Variants in ECD observed in about 807,000 individuals in gnomAD.
The protein encoded by ECD is protein ecdysoneless homolog.
Under a neutral mutation model 77.2 loss-of-function variants are expected in ECD, and 59 were observed. That is an observed-to-expected ratio of 0.76 (90% CI 0.62 to 0.95). The LOEUF (loss-of-function observed/expected upper bound fraction) is 0.95. ECD is among the 40% of genes least tolerant of loss of function. The pLI is 0.00. For missense variants in ECD, 704 were observed against 763.4 expected, an observed-to-expected ratio of 0.92 and a Z score of 0.92; for synonymous variants, 233 against 267.4, an observed-to-expected ratio of 0.87 and a Z score of 1.26.
rs746436287 is a variant in ECD at position 73,138,055 on chromosome 10, A to C, written c.1437T>G (p.Ala479=). Residue 479 remains alanine (A), a synonymous_variant, in exon 12 of 14, where the codon GCT becomes GCG. Coordinates refer to ENST00000372979, the MANE Select transcript of ECD (RefSeq NM_007265.3). ...GAELPREPSE[A]PITFDADSFL... Reference sequence around the variant, plus strand: ...AAGAATCTGCATCAAAAGTGATTGGAGCCTCAGAAGGTTCTCTGCAATATT... The same window carrying C: ...AAGAATCTGCATCAAAAGTGATTGGCGCCTCAGAAGGTTCTCTGCAATATT... 1 of 1,598,078 alleles carries C rather than the reference A, an allele frequency of 6.3e-7. No individual in the cohort carries two copies. The highest frequency in any genetic ancestry group is 1.7e-5 in the Admixed American group (1 of 57,210).
At chr10:73,155,945 T>C (rs1007232182) in intron 5 of ECD, among the ~76,000 whole-genome samples, 3 of 152,122 alleles carry the variant, frequency 2.0e-5, no homozygotes, top group African/African-American at 7.2e-5. Flanking sequence ...TTTTTACCCA[T>C]GGATATAGCT....
rs1021926026 is a variant in ECD at position 73,133,813 on chromosome 10, TAATTA to T, written c.*765_*769del. 26 of 152,332 alleles carry T rather than the reference TAATTA, an allele frequency of 1.7e-4. No individual in the cohort carries two copies. The highest frequency in any genetic ancestry group is 5.3e-4 in the African/African-American group (22 of 41,582). 9.4% of individuals were successfully genotyped at this position (152,332 alleles called of 1,614,324 possible). On this transcript the variant is annotated 3_prime_UTR_variant, in exon 14 of 14. Transcript: ENST00000372979. Reference sequence around the variant, plus strand: ...TATATTAAATATCAAACCAATTAATTAATTAAAACAATTAAGTACAGTATCAGGTA... The same window carrying T: ...TATATTAAATATCAAACCAATTAATTAAACAATTAAGTACAGTATCAGGTA...
At chr10:73,166,911 C>T (rs1843479564) in intron 1 of ECD, among the ~76,000 whole-genome samples, 4 of 152,088 alleles carry the variant, frequency 2.6e-5, no homozygotes, top group Admixed American at 2.6e-4. Context: ...AGAGAGTTTC[C>T]CCAATATTTC....
rs759124485 is a variant in ECD at position 73,136,952 on chromosome 10, G to A, written c.1490-34C>T. 5.3e-6 allele frequency: 6 copies of A among 1,140,776 alleles called. No individual in the cohort carries two copies. The African/African-American group carries it at 5.3e-5, about 10-fold the overall frequency. The allele number at this position is 1,140,776 out of a possible 1,614,324, so 70.7% of individuals were successfully genotyped here. ...ATCCCAAGAAAGAAAGAGCCACTTA[G>A]TAATTATTATTATTATTATTATTAT... On this transcript the variant is annotated intron_variant, in intron 12 of 13. Transcript: ENST00000372979.
chr10:73,166,374 A>G (rs1248970560), intron 1 of ECD, among the ~76,000 whole-genome samples: 3 of 152,112 alleles, frequency 2.0e-5, no homozygotes, highest in Admixed American at 2.0e-4. Flanking sequence ...TAGTAGCTCT[A>G]TTTTTAGTTT....
At chr10:73,148,183 T>G in intron 8 of ECD, 93 bp downstream of exon 8, 1 of 1,459,130 alleles carries the variant, frequency 6.9e-7, no homozygotes, top group Non-Finnish European at 9.2e-7. Flanking sequence ...CATAATTATG[T>G]CATACATTTA....
chr10:73,148,785 T>G (rs1384787421), intron 7 of ECD, among the ~76,000 whole-genome samples: 3 of 152,110 alleles, frequency 2.0e-5, no homozygotes, highest in Admixed American at 1.3e-4. Context: ...ATCTCAGACA[T>G]AGTAAAGAGA....
chr10:73,167,250 C>T (rs889031880), intron 1 of ECD, among the ~76,000 whole-genome samples: 1 of 152,114 alleles, frequency 6.6e-6, no homozygotes, highest in Non-Finnish European at 1.5e-5. Context: ...CAGTTTTGTT[C>T]TTTTTGCTCA....
chr10:73,141,754 TAATA>T (rs1393880878), intron 9 of ECD, among the ~76,000 whole-genome samples: 1 of 152,228 alleles, frequency 6.6e-6, no homozygotes, highest in Non-Finnish European at 1.5e-5. Flanking sequence ...GTTTACATAT[TAATA>T]ATACAGAGTA....
At chr10:73,154,117 A>G (rs752799408) in intron 6 of ECD, 139 bp downstream of exon 6, 23 of 881,236 alleles carry the variant, frequency 2.6e-5, no homozygotes, top group Non-Finnish European at 3.5e-5. Flanking sequence ...AAGAAACAGA[A>G]TATTTCCTTT....
intron 3 of ECD, among the ~76,000 whole-genome samples, chr10:73,158,915 A>T (rs1214324180): frequency 6.6e-6 from 1 of 151,948 alleles, no homozygotes; most frequent in Non-Finnish European, 1.5e-5. Flanking sequence ...ACATTTAAAA[A>T]TTTTAAATAA....
chr10:73,164,196 A>G (rs1161377146), intron 1 of ECD, among the ~76,000 whole-genome samples: 1 of 151,522 alleles, frequency 6.6e-6, no homozygotes, highest in Non-Finnish European at 1.5e-5. Flanking sequence ...TACTAAAAAT[A>G]CAAAAATTAG....
chr10:73,140,705 T>C (rs1348113335), intron 9 of ECD, among the ~76,000 whole-genome samples: 1 of 88,096 alleles, frequency 1.1e-5, no homozygotes, highest in Non-Finnish European at 2.4e-5. Flanking sequence ...AATAAATAAA[T>C]TGGAGGATAG....
chr10:73,145,429 G>A (rs1490022829), intron 9 of ECD, among the ~76,000 whole-genome samples: 1 of 152,042 alleles, frequency 6.6e-6, no homozygotes, highest in Non-Finnish European at 1.5e-5. Flanking sequence ...TATTAATTCA[G>A]CTATTTTAAA....
chr10:73,146,296 G>C lies in ECD; in HGVS notation c.1107C>G (p.Leu369=), dbSNP rs772254446. The change falls in exon 9 of 14, where the codon CTC becomes CTG. Residue 369 remains leucine (L), a synonymous_variant. Coordinates refer to ENST00000372979, the MANE Select transcript of ECD (RefSeq NM_007265.3). ...CTCACCTTTCTGGCCAGTCTACTGA[G>C]AGCTGGAAGTAATTCTCTGCCATTT... ...RLEMAENYFQ[L]SVDWPESSLA... is the part of the protein sequence containing the mutation. 2 of 1,609,626 alleles carry C rather than the reference G, an allele frequency of 1.2e-6. No homozygotes were observed. Among genetic ancestry groups the C allele is most frequent in the African/African-American group, 1.3e-5 (1 of 74,882 alleles).
In ECD at chr10:73,139,421, C is replaced by T. The variant is rs770936832; in HGVS notation, c.1309G>A (p.Glu437Lys). 5.6e-6 allele frequency: 9 copies of T among 1,614,012 alleles called. No homozygotes were observed. Among genetic ancestry groups the T allele is most frequent in the African/African-American group, 1.3e-5 (1 of 74,922 alleles). The change falls in exon 11 of 14, where the codon GAG becomes AAG. Residue 437 changes from glutamate to lysine, a missense_variant. Transcript: ENST00000372979. ...LQEAVGKKESESVSKEEKEQN... is the reference protein window; with the variant it reads ...LQEAVGKKESKSVSKEEKEQN... ...TCCTTCTCCTCCTTGGAAACAGACT[C>T]GGATTCTTTTTTGCCAACAGCTTCC...
At chr10:73,139,172 A>T in intron 11 of ECD, 137 bp downstream of exon 11, 3 of 803,020 alleles carry the variant, frequency 3.7e-6, no homozygotes, top group Non-Finnish European at 5.6e-6. Context: ...AGTTATCACT[A>T]TACTAGGCAC....
At position 73,134,804 on chromosome 10, in the gene ECD, A is replaced by G; in HGVS notation, c.1714T>C (p.Ser572Pro). Residue 572 changes from serine to proline, a missense_variant, in exon 14 of 14, where the codon TCC becomes CCC. Coordinates refer to ENST00000372979, the MANE Select transcript of ECD (RefSeq NM_007265.3). ...FTTRNQVEPV[S>P]QTTDNNSDEE... ...TCTGAATTGTTATCGGTAGTCTGGG[A>G]TACAGGTTCCTTATTCATAGAGGGA... The G allele has an allele frequency of 2.5e-6, 4 of 1,614,046 alleles. No homozygotes were observed. The highest frequency in any genetic ancestry group is 2.5e-6 in the Non-Finnish European group (3 of 1,179,922).
At chr10:73,148,017 T>A (rs942166094) in intron 8 of ECD, among the ~76,000 whole-genome samples, 1 of 152,188 alleles carries the variant, frequency 6.6e-6, no homozygotes. Context: ...ATTATCAAGT[T>A]TTTGCAAGTT....
Sources: gnomAD v4.1 joint callset for allele counts (sites outside exome capture counted in the v4.1 genomes callset) on GRCh38, gnomAD v4.1.1 for gene constraint, MANE v1.5 for transcripts, NCBI Gene and HGNC (gene_info 2026-07-23, HGNC 2026-07-21) for gene names.